C2CD5: variants seen among roughly 807,000 people sequenced by gnomAD.
The protein encoded by C2CD5 is C2 calcium dependent domain containing 5, also known as C2 domain-containing protein 5.
In C2CD5, 109 loss-of-function variants were observed where a neutral mutation model predicts 130.3. The ratio of observed to expected loss-of-function variants is 0.84; its 90% confidence interval spans 0.72 to 0.98. The LOEUF (loss-of-function observed/expected upper bound fraction) is 0.98, where lower values mean the gene tolerates loss of function less well. Ranked by LOEUF, C2CD5 falls within the 50% of genes least tolerant of loss-of-function variation. C2CD5 has a pLI of 0.00. For missense variants in C2CD5, 996 were observed against 1,261.8 expected, an observed-to-expected ratio of 0.79 and a Z score of 3.19; for synonymous variants, 454 against 429.2, an observed-to-expected ratio of 1.06 and a Z score of -0.71.
chr12:22,458,317 C>G (rs1940388783), intron 24 of C2CD5, among the ~76,000 whole-genome samples, 167 bp downstream of exon 24: 1 of 152,074 alleles, frequency 6.6e-6, no homozygotes, highest in African/African-American at 2.4e-5. Context: ...AATCTAAAGG[C>G]CTTTCAAAAG....
At chr12:22,482,103 T>G (rs1944814113) in intron 14 of C2CD5, among the ~76,000 whole-genome samples, 1 of 152,116 alleles carries the variant, frequency 6.6e-6, no homozygotes, top group Non-Finnish European at 1.5e-5. Context: ...CAAGGGACAT[T>G]TGGCAATTTC....
At chr12:22,498,708 T>A (rs545570369) in intron 10 of C2CD5, among the ~76,000 whole-genome samples, 2 of 152,286 alleles carry the variant, frequency 1.3e-5, no homozygotes, top group South Asian at 4.1e-4. Context: ...CTATAATCTG[T>A]CTAAAATAAA....
chr12:22,492,618 C>T (rs1287637250), intron 11 of C2CD5, among the ~76,000 whole-genome samples: 1 of 152,044 alleles, frequency 6.6e-6, no homozygotes, highest in East Asian at 1.9e-4. Context: ...CAGACGAATG[C>T]TTTGGAAGTA....
At chr12:22,463,085 A>AAG (rs1328200864) in intron 22 of C2CD5, among the ~76,000 whole-genome samples, 2 of 151,260 alleles carry the variant, frequency 1.3e-5, no homozygotes, top group East Asian at 3.9e-4. Context: ...CCCTGTCTCA[A>AAG]AGAGAGAGAG....
intron 22 of C2CD5, among the ~76,000 whole-genome samples, chr12:22,466,789 T>G (rs1419322353): frequency 6.6e-6 from 1 of 152,242 alleles, no homozygotes; most frequent in African/African-American, 2.4e-5. Context: ...AAATGCAGTA[T>G]TCAAGGAAAA....
At chr12:22,526,557 T>C (rs1013379871) in intron 4 of C2CD5, among the ~76,000 whole-genome samples, 1 of 152,110 alleles carries the variant, frequency 6.6e-6, no homozygotes, top group African/African-American at 2.4e-5. Context: ...TTTCAATGAA[T>C]ATAAGTTAAA....
At chr12:22,509,069 G>C (rs542016428) in intron 9 of C2CD5, among the ~76,000 whole-genome samples, 1 of 151,488 alleles carries the variant, frequency 6.6e-6, no homozygotes, top group African/African-American at 2.4e-5. Flanking sequence ...TAGTAGAGAC[G>C]GGGTTTCACC....
chr12:22,457,666 G>A (rs1940211086), intron 24 of C2CD5, among the ~76,000 whole-genome samples: 1 of 151,852 alleles, frequency 6.6e-6, no homozygotes, highest in African/African-American at 2.4e-5. Flanking sequence ...AAAGCTTAAC[G>A]ACCTCTGCTA....
At position 22,524,674 on chromosome 12, in the gene C2CD5, C is replaced by T. The variant is rs759573323; in HGVS notation, c.446-47G>A. On this transcript the variant is annotated intron_variant, in intron 5 of 26. Transcript: ENST00000446597. ...CTTCTGTTTATCAAAAGGTAAAACT[C>T]AATTTTTAAAAAATGTACATCTCAA... 1.6e-5 allele frequency: 24 copies of T among 1,477,428 alleles called. No individual in the cohort carries two copies. The East Asian group carries it at 5.0e-4, about 31-fold the overall frequency. 91.5% of individuals were successfully genotyped at this position (1,477,428 alleles called of 1,614,324 possible). A position where few individuals can be genotyped will look rare whatever the true frequency, so the allele number is the denominator to read the frequency against.
intron 8 of C2CD5, among the ~76,000 whole-genome samples, chr12:22,516,696 T>A (rs140629496): frequency 3.9e-4 from 59 of 151,650 alleles, no homozygotes; most frequent in South Asian, 6.2e-4. Context: ...ATATGCAGTC[T>A]GTGGACCAAA....
intron 2 of C2CD5, among the ~76,000 whole-genome samples, chr12:22,543,058 G>C (rs926081301): frequency 6.6e-6 from 1 of 152,176 alleles, no homozygotes; most frequent in Non-Finnish European, 1.5e-5. Flanking sequence ...CATGACAATG[G>C]GCAGGGGAGG....
Position 22,478,365 on chromosome 12 carries a change from T to A in C2CD5, c.1850A>T (p.Lys617Met), listed in dbSNP as rs1351635983. 2 of 1,613,528 alleles carry A rather than the reference T, an allele frequency of 1.2e-6. No homozygotes were observed. Among genetic ancestry groups the A allele is most frequent in the Non-Finnish European group, 1.7e-6 (2 of 1,179,494 alleles). Residue 617 changes from lysine to methionine, a missense_variant, in exon 15 of 27, where the codon AAG (lysine) becomes ATG (methionine). Physicochemically the swap from Lys to Met is moderately conservative, Grantham distance 95. Coordinates refer to ENST00000446597, the MANE Select transcript of C2CD5 (RefSeq NM_001286176.2). The stretch of plus-strand genomic sequence containing the variant: ...GTTTTTAGCAATTGTGTCATTTATC[T>A]TCTTCTGCATATGAGAGATGTGTTG... ...YEQHISHMQK[K>M]INDTIAKNKE...
chr12:22,540,240 G>A lies in C2CD5; in HGVS notation c.90+3821C>T, dbSNP rs182718898. Among the ~76,000 whole-genome samples the A allele has an allele frequency of 2.6e-4, 39 of 152,286 alleles. No individual in the cohort carries two copies. In the East Asian group the frequency reaches 6.6e-3, roughly 26 times the overall value. On this transcript the variant is annotated intron_variant, in intron 2 of 26. Coordinates refer to ENST00000446597, the MANE Select transcript of C2CD5 (RefSeq NM_001286176.2). ...CTGTTTGAGAAGCAGTCACATTCAC[G>A]TGGTTTTAACATAGGCGAGGCACTC...
At chr12:22,511,978 T>C (rs948594184) in intron 9 of C2CD5, among the ~76,000 whole-genome samples, 6 of 152,244 alleles carry the variant, frequency 3.9e-5, no homozygotes, top group Non-Finnish European at 8.8e-5. Context: ...AGCTTCACTC[T>C]GACCCTCTTC....
chr12:22,453,657 G>T lies in C2CD5; in HGVS notation c.3024+239C>A, dbSNP rs145792958. 3.9e-3 allele frequency among the ~76,000 whole-genome samples: 587 copies of T among 152,220 alleles called. 7 individuals carry two copies. Among genetic ancestry groups the T allele is most frequent in the African/African-American group, 0.014 (565 of 41,538 alleles). ...CAAGAGGGTGGAAACAGTAACTCAG[G>T]AGCACAAATTCCAGATGTGATTAAG... On this transcript the variant is annotated intron_variant, in intron 26 of 26. Coordinates refer to ENST00000446597, the MANE Select transcript of C2CD5 (RefSeq NM_001286176.2).
At chr12:22,510,500 TAGG>T (rs1949066512) in intron 9 of C2CD5, among the ~76,000 whole-genome samples, 1 of 152,222 alleles carries the variant, frequency 6.6e-6, no homozygotes, top group Non-Finnish European at 1.5e-5. Flanking sequence ...GGATTTTTCT[TAGG>T]AGCTATTTAA....
At chr12:22,491,317 T>G (rs750205326) in intron 11 of C2CD5, among the ~76,000 whole-genome samples, 6 of 152,172 alleles carry the variant, frequency 3.9e-5, no homozygotes, top group African/African-American at 1.4e-4. Context: ...CTTCTTTTTT[T>G]TGCTACTCTT....
At chr12:22,519,368 G>T in intron 7 of C2CD5, 1 of 637,254 alleles carries the variant, frequency 1.6e-6, no homozygotes, top group Non-Finnish European at 2.4e-6. Context: ...TCCCTAGCAT[G>T]CAAAAAACAA....
chr12:22,520,334 T>C (rs1950163816), intron 7 of C2CD5, among the ~76,000 whole-genome samples: 1 of 152,154 alleles, frequency 6.6e-6, no homozygotes, highest in South Asian at 2.1e-4. Context: ...CATTGCTATA[T>C]TACTGACTGC....
Sources: gnomAD v4.1 joint callset for allele counts (sites outside exome capture counted in the v4.1 genomes callset) on GRCh38, gnomAD v4.1.1 for gene constraint, MANE v1.5 for transcripts, NCBI Gene and HGNC (gene_info 2026-07-23, HGNC 2026-07-21) for gene names.